The following NFIA variants were observed in gnomAD, a reference collection of about 807,000 sequenced individuals.
NFIA encodes the protein nuclear factor I A.
Under a neutral mutation model 62.8 loss-of-function variants are expected in NFIA, and 8 were observed. That is an observed-to-expected ratio of 0.13 (90% CI 0.07 to 0.23). The LOEUF (loss-of-function observed/expected upper bound fraction) is 0.23. Ranked by LOEUF, NFIA falls within the 10% of genes least tolerant of loss-of-function variation. The probability of loss-of-function intolerance (pLI) is 1.00; values close to 1 mark genes in which losing one functional copy is unlikely to be tolerated. For missense variants in NFIA, 410 were observed against 642.1 expected (o/e 0.64, Z 3.91); for synonymous variants, 235 against 238.1 (o/e 0.99, Z 0.12).
At chr1:61,387,877 C>T (rs1664785247) in intron 7 of NFIA, among the ~76,000 whole-genome samples, 1 of 152,146 alleles carries the variant, frequency 6.6e-6, no homozygotes, top group Non-Finnish European at 1.5e-5. Flanking sequence ...TAAGAAATGT[C>T]CAAGACATGG....
chr1:61,100,525 GT>G (rs1646490203), intron 2 of NFIA, among the ~76,000 whole-genome samples: 1 of 152,164 alleles, frequency 6.6e-6, no homozygotes, highest in South Asian at 2.1e-4. Flanking sequence ...AGCATTTGAT[GT>G]TTTTAAATTA....
intron 2 of NFIA, among the ~76,000 whole-genome samples, chr1:61,232,790 GT>G (rs1288231288): frequency 1.3e-5 from 2 of 151,650 alleles, no homozygotes; most frequent in Non-Finnish European, 2.9e-5. Flanking sequence ...TTTTATGTAA[GT>G]TTTTTTCTTT....
chr1:61,449,189 G>A (rs993063157), intron 10 of NFIA, among the ~76,000 whole-genome samples: 2 of 151,800 alleles, frequency 1.3e-5, no homozygotes, highest in Non-Finnish European at 3.0e-5. Flanking sequence ...GGAGTGGCTT[G>A]TGGAGACTTG....
intron 2 of NFIA, among the ~76,000 whole-genome samples, chr1:61,177,653 TTGTGTG>T (rs56299869): frequency 0.11 from 16,579 of 146,098 alleles, 1,310 homozygotes; most frequent in African/African-American, 0.22. Flanking sequence ...GTTTTCTCTA[TTGTGTG>T]TGTGTGTGTG....
intron 7 of NFIA, among the ~76,000 whole-genome samples, chr1:61,400,024 C>G (rs578023344): frequency 6.6e-6 from 1 of 152,158 alleles, no homozygotes; most frequent in Non-Finnish European, 1.5e-5. Context: ...AACTTTTTCT[C>G]CTTTAAACTA....
At chr1:61,409,809 G>A (rs1666016803) in intron 9 of NFIA, among the ~76,000 whole-genome samples, 1 of 152,124 alleles carries the variant, frequency 6.6e-6, no homozygotes, top group Admixed American at 6.5e-5. Flanking sequence ...TCCCCGAAGA[G>A]GAAGAGACAG....
At chr1:61,281,854 T>G (rs751476243) in intron 3 of NFIA, among the ~76,000 whole-genome samples, 12 of 152,334 alleles carry the variant, frequency 7.9e-5, no homozygotes, top group Non-Finnish European at 1.8e-4. Context: ...GATCTGTGCC[T>G]TGAACTTAAT....
At chr1:61,445,341 C>A (rs1667761391) in intron 10 of NFIA, among the ~76,000 whole-genome samples, 1 of 152,168 alleles carries the variant, frequency 6.6e-6, no homozygotes, top group South Asian at 2.1e-4. Context: ...GAAGCCTCCC[C>A]CTCATATCCC....
intron 2 of NFIA, among the ~76,000 whole-genome samples, chr1:61,117,434 AG>A (rs1422505166): frequency 6.6e-6 from 1 of 151,994 alleles, no homozygotes; most frequent in East Asian, 1.9e-4. Context: ...TGAAAGTTTA[AG>A]GTCTTATGTT....
intron 10 of NFIA, 142 bp downstream of exon 10, chr1:61,426,698 TC>T: frequency 1.5e-6 from 1 of 676,642 alleles, no homozygotes; most frequent in Non-Finnish European, 2.5e-6. Flanking sequence ...CAGCCACATT[TC>T]CATGTGTTCT....
chr1:61,223,258 A>G (rs1171316264), intron 2 of NFIA, among the ~76,000 whole-genome samples: 1 of 152,024 alleles, frequency 6.6e-6, no homozygotes, highest in Non-Finnish European at 1.5e-5. Context: ...AGGTGAGACT[A>G]CTCTTTGGCC....
intron 3 of NFIA, among the ~76,000 whole-genome samples, chr1:61,297,041 G>A (rs1379182550): frequency 1.3e-5 from 2 of 152,094 alleles, no homozygotes; most frequent in Non-Finnish European, 2.9e-5. Flanking sequence ...TTGTTAAATC[G>A]TTCATTTATT....
At chr1:61,078,121 A>G (rs960307895), upstream of NFIA, among the ~76,000 whole-genome samples, 1 of 152,110 alleles carries the variant, frequency 6.6e-6, no homozygotes, top group Non-Finnish European at 1.5e-5. Context: ...GGTGTACAAT[A>G]GTTCTCAATA....
chr1:61,289,316 C>T (rs1658713737), intron 3 of NFIA, among the ~76,000 whole-genome samples: 1 of 152,156 alleles, frequency 6.6e-6, no homozygotes, highest in Admixed American at 6.5e-5. Context: ...TTATTCATGG[C>T]CACCAGAGCC....
chr1:61,195,238 A>G (rs766431250), intron 2 of NFIA, among the ~76,000 whole-genome samples: 3 of 152,100 alleles, frequency 2.0e-5, no homozygotes, highest in African/African-American at 4.8e-5. Flanking sequence ...ATTTTGCTCA[A>G]TTGGGATTCC....
At chr1:61,305,062 C>G (rs1659692029) in intron 3 of NFIA, among the ~76,000 whole-genome samples, 1 of 151,920 alleles carries the variant, frequency 6.6e-6, no homozygotes. Context: ...TTACTGTATA[C>G]AAAAATAGTG....
intron 9 of NFIA, among the ~76,000 whole-genome samples, chr1:61,409,288 A>G (rs566960671): frequency 1.4e-4 from 22 of 152,370 alleles, no homozygotes; most frequent in Non-Finnish European, 2.4e-4. Flanking sequence ...TGACACAGAA[A>G]GGTTTTTATC....
intron 3 of NFIA, among the ~76,000 whole-genome samples, chr1:61,289,122 T>A (rs1295608172): frequency 1.3e-5 from 2 of 152,100 alleles, no homozygotes; most frequent in Non-Finnish European, 2.9e-5. Context: ...TGAGCTTAAG[T>A]CCCCTGTTGG....
chr1:61,108,690 T>G (rs1472712927), intron 2 of NFIA, among the ~76,000 whole-genome samples: 1 of 151,632 alleles, frequency 6.6e-6, no homozygotes, highest in East Asian at 1.9e-4. Flanking sequence ...TGAATCAGAG[T>G]TAATGCCTTA....
Sources: allele counts gnomAD v4.1 joint callset (sites outside exome capture counted in the v4.1 genomes callset), GRCh38; gene constraint gnomAD v4.1.1; transcripts MANE v1.5; gene names NCBI Gene and HGNC (gene_info 2026-07-23, HGNC 2026-07-21).